CDK17: variants seen among roughly 807,000 people sequenced by gnomAD.
The protein encoded by CDK17 is cyclin dependent kinase 17.
CDK17 carries 24 observed loss-of-function variants against 77.6 expected under a neutral mutation model. The ratio of observed to expected loss-of-function variants is 0.31; its 90% CI spans 0.22 to 0.44. The LOEUF (loss-of-function observed/expected upper bound fraction) is 0.44, where lower values mean the gene tolerates loss of function less well. CDK17 is among the 20% of genes least tolerant of loss of function. The probability of loss-of-function intolerance (pLI) is 1.00; values close to 1 mark genes in which losing one functional copy is unlikely to be tolerated. For synonymous variants in CDK17, 203 were observed against 210.4 expected (o/e 0.96, Z 0.30); for missense variants, 429 against 622.5 (o/e 0.69, Z 3.31).
At position 96,278,424 on chromosome 12, in the gene CDK17, C is replaced by G. The variant is rs1849602219; in HGVS notation, c.*1818G>C. On this transcript the variant is annotated 3_prime_UTR_variant, in exon 17 of 17. Transcript: ENST00000261211. ...GAAATTACTAAGCAAATGATTGGCA[C>G]AAACAGAAAACAATAACACCTCTAG... 2 of 152,072 alleles carry G rather than the reference C, an allele frequency of 1.3e-5. No homozygotes were observed. Among genetic ancestry groups the G allele is most frequent in the African/African-American group, 4.8e-5 (2 of 41,398 alleles). The allele number at this position is 152,072 out of a possible 1,614,324, so 9.4% of individuals were successfully genotyped here.
At chr12:96,377,758 A>G (rs1440327315) in intron 1 of CDK17, among the ~76,000 whole-genome samples, 3 of 138,232 alleles carry the variant, frequency 2.2e-5, no homozygotes, top group African/African-American at 8.4e-5. Context: ...CAGTGGTGCG[A>G]TCTCGGCTCA....
chr12:96,302,314 TTA>T (rs1292795338), intron 5 of CDK17, among the ~76,000 whole-genome samples: 2 of 151,508 alleles, frequency 1.3e-5, no homozygotes, highest in Admixed American at 6.6e-5. Context: ...ATCTTTTAAT[TTA>T]TATATGTTTT....
At position 96,311,111 on chromosome 12, in the gene CDK17, G is replaced by T; in HGVS notation, c.484C>A (p.Gln162Lys). 6.2e-7 allele frequency: 1 copy of T among 1,600,534 alleles called. No homozygotes were observed. The highest frequency in any genetic ancestry group is 8.5e-7 in the Non-Finnish European group (1 of 1,176,058). Residue 162 changes from glutamine to lysine, a missense_variant, in exon 5 of 17, where the codon CAG becomes AAG. By Grantham distance (53) the Gln-to-Lys change is moderately conservative (BLOSUM62 1). Coordinates refer to ENST00000261211, the MANE Select transcript of CDK17 (RefSeq NM_002595.5). ...TGGTCAAATGGTGGACTGTTTATCT[G>T]CAACTTTTCAAGATATCCATCAGGT... ...RIPDGYLEKL[Q>K]INSPPFDQPM... is the part of the protein sequence containing the mutation.
At chr12:96,322,907 A>G (rs1194536346) in intron 3 of CDK17, among the ~76,000 whole-genome samples, 1 of 152,202 alleles carries the variant, frequency 6.6e-6, no homozygotes, top group Non-Finnish European at 1.5e-5. Flanking sequence ...CCAGCATACC[A>G]TTCTGTAGAG....
chr12:96,340,070 C>T (rs987429770), intron 1 of CDK17, among the ~76,000 whole-genome samples: 12 of 151,826 alleles, frequency 7.9e-5, no homozygotes, highest in Admixed American at 4.6e-4. Context: ...ATGGGGTGCA[C>T]ATTACATTTC....
intron 2 of CDK17, among the ~76,000 whole-genome samples, chr12:96,326,596 G>C (rs12812345): frequency 0.052 from 7,903 of 152,272 alleles, 271 homozygotes; most frequent in Non-Finnish European, 0.064. Context: ...ACTTTAACAT[G>C]CTTCAGAATC....
chr12:96,360,155 C>G (rs1953470020), intron 1 of CDK17, among the ~76,000 whole-genome samples: 1 of 152,116 alleles, frequency 6.6e-6, no homozygotes. Context: ...ATACTGCAAT[C>G]AAAATATCTA....
intron 2 of CDK17, among the ~76,000 whole-genome samples, chr12:96,333,671 C>CAA (rs58025242): frequency 0.038 from 4,269 of 111,466 alleles, 98 homozygotes; most frequent in Middle Eastern, 0.071. Context: ...GAGACTGTCT[C>CAA]AAAAAAAAAA....
At chr12:96,363,683 T>TA (rs1012244105) in intron 1 of CDK17, among the ~76,000 whole-genome samples, 31 of 151,434 alleles carry the variant, frequency 2.0e-4, no homozygotes, top group Middle Eastern at 3.4e-3. Context: ...CTGTCTGTAC[T>TA]AAAAAAAATA....
intron 1 of CDK17, among the ~76,000 whole-genome samples, chr12:96,364,066 A>T (rs993383619): frequency 2.7e-4 from 41 of 152,194 alleles, no homozygotes; most frequent in African/African-American, 8.4e-4. Flanking sequence ...GAATTCTGAG[A>T]TTAATCTATG....
chr12:96,351,242 G>A (rs1471278597), intron 1 of CDK17, among the ~76,000 whole-genome samples: 12 of 151,686 alleles, frequency 7.9e-5, no homozygotes, highest in Non-Finnish European at 1.8e-4. Flanking sequence ...TAGCCATTGT[G>A]AAAAACTGGT....
intron 1 of CDK17, 90 bp downstream of exon 1, chr12:96,399,896 G>C: frequency 6.5e-5 from 17 of 262,704 alleles, no homozygotes; most frequent in Non-Finnish European, 7.8e-5. Flanking sequence ...AGTAGCCCCC[G>C]CCCCCGCCTC....
intron 5 of CDK17, among the ~76,000 whole-genome samples, chr12:96,302,482 T>C (rs1001597418): frequency 6.6e-5 from 10 of 152,180 alleles, no homozygotes; most frequent in African/African-American, 1.2e-4. Context: ...ATTTTTGCCA[T>C]GAATTTTAAG....
intron 1 of CDK17, among the ~76,000 whole-genome samples, chr12:96,385,055 T>G (rs953316291): frequency 6.8e-6 from 1 of 147,726 alleles, no homozygotes; most frequent in African/African-American, 2.5e-5. Context: ...GGCTCACACC[T>G]GTAATGCCAT....
rs1175159802 is a variant in CDK17, at chr12:96,316,704, C to T, written c.284-3250G>A. On this transcript the variant is annotated intron_variant, in intron 3 of 16. Transcript: ENST00000261211. ...ACCCCCCAGCAGGGGCACACTGACA[C>T]CTCACACGGCAGGGTATTCCAACAG... Among the ~76,000 whole-genome samples, 8 of 126,178 alleles carry T rather than the reference C, an allele frequency of 6.3e-5. 1 individual carries two copies. Among genetic ancestry groups the T allele is most frequent in the East Asian group, 4.0e-4 (1 of 2,528 alleles). 82.8% of individuals were successfully genotyped at this position (126,178 alleles called of 152,430 possible).
intron 5 of CDK17, 34 bp downstream of exon 5, chr12:96,311,014 CTGAT>C: frequency 3.8e-6 from 6 of 1,563,184 alleles, no homozygotes; most frequent in Non-Finnish European, 5.2e-6. Flanking sequence ...ACAAGCAGAT[CTGAT>C]TGATGGTGGA....
In CDK17 at chr12:96,298,971, T is replaced by C. The variant is rs1310738619; in HGVS notation, c.613A>G (p.Thr205Ala). The C allele has an allele frequency of 3.9e-6, 6 of 1,522,424 alleles. No homozygotes were observed. Among genetic ancestry groups the C allele is most frequent in the Admixed American group, 3.4e-5 (2 of 59,566 alleles). The allele number at this position is 1,522,424 out of a possible 1,614,324, so 94.3% of individuals were successfully genotyped here. The change falls in exon 7 of 17, where the codon ACA becomes GCA. Residue 205 changes from threonine to alanine, a missense_variant. Physicochemically the swap from Thr to Ala is moderately conservative, Grantham distance 58 (BLOSUM62 0). Coordinates refer to ENST00000261211, the MANE Select transcript of CDK17 (RefSeq NM_002595.5). ...AATTTACTTCTTCCTTTATATACTG[T>C]TGCATATGTACCCTATAAAATATAT... Reference protein sequence around the residue: ...LEKLGEGTYATVYKGRSKLTE... With the variant: ...LEKLGEGTYAAVYKGRSKLTE...
intron 1 of CDK17, among the ~76,000 whole-genome samples, chr12:96,352,475 A>G (rs1953326749): frequency 6.6e-6 from 1 of 152,160 alleles, no homozygotes; most frequent in African/African-American, 2.4e-5. Context: ...AGTACAACAA[A>G]CTGGGCTATA....
chr12:96,308,779 G>C (rs933830355), intron 5 of CDK17, among the ~76,000 whole-genome samples: 1 of 92,160 alleles, frequency 1.1e-5, no homozygotes, highest in African/African-American at 3.3e-5. Flanking sequence ...TAAAAAAGGA[G>C]ATACAACAAC....
Sources: gnomAD v4.1 joint callset for allele counts (sites outside exome capture counted in the v4.1 genomes callset) on GRCh38, gnomAD v4.1.1 for gene constraint, MANE v1.5 for transcripts, NCBI Gene and HGNC (gene_info 2026-07-23, HGNC 2026-07-21) for gene names.